Variants in IL2RB observed in about 807,000 individuals in gnomAD.
The protein encoded by IL2RB is interleukin 2 receptor subunit beta.
Under a neutral mutation model 44.2 loss-of-function variants are expected in IL2RB, and 17 were observed. That is an observed-to-expected ratio of 0.38 (90% CI 0.26 to 0.58). The LOEUF is 0.58. IL2RB is among the 20% of genes least tolerant of loss of function. IL2RB has a pLI of 0.63. For synonymous variants in IL2RB, 286 were observed against 297.9 expected (o/e 0.96, Z 0.41); for missense variants, 624 against 685.5 (o/e 0.91, Z 1.00).
chr22:37,133,851 G>A (rs571542191), intron 8 of IL2RB, among the ~76,000 whole-genome samples: 12 of 152,222 alleles, frequency 7.9e-5, no homozygotes, highest in African/African-American at 2.6e-4. Context: ...CCACACCAGC[G>A]CCCCTGCACT....
At position 37,136,352 on chromosome 22, in the gene IL2RB, G is replaced by C. The variant is rs1446017221; in HGVS notation, c.579C>G (p.Ile193Met). 1 of 1,612,690 alleles carries C rather than the reference G, an allele frequency of 6.2e-7. No individual in the cohort carries two copies. Among genetic ancestry groups the C allele is most frequent in the Admixed American group, 1.7e-5 (1 of 59,866 alleles). ...TGTCTGGGGTGAGCGTCTCCAGGCA[G>C]ATCCATTCCTGCTTCTGCTTGAGAG... ...LLTLKQKQEW[I>M]CLETLTPDTQ... The change falls in exon 7 of 10, where the codon ATC (isoleucine) becomes ATG (methionine). Residue 193 changes from isoleucine (I) to methionine (M), a missense_variant. Around this residue, in one of 3 missense-constraint regions of IL2RB, gnomAD observed 255 missense variants for 339.9 expected, o/e 0.75. Transcript: ENST00000216223.
At chr22:37,152,710 G>A (rs112450915), upstream of IL2RB, among the ~76,000 whole-genome samples, 2,600 of 151,942 alleles carry the variant, frequency 0.017, 40 homozygotes, top group Non-Finnish European at 0.023. Context: ...CTTTTTTGGC[G>A]GGGGAGAAGG....
rs371340355 is a variant in IL2RB, at chr22:37,143,530, G to A, written c.194C>T (p.Pro65Leu). The change falls in exon 3 of 10, where the codon CCG becomes CTG. Residue 65 changes from proline (P) to leucine (L), a missense_variant. This residue lies in a region of IL2RB where 255 missense variants were observed against 339.9 expected (regional missense o/e 0.75). Coordinates refer to ENST00000216223, the MANE Select transcript of IL2RB (RefSeq NM_000878.5). ...TGGCCAGTGGACTCACCGTCTGTCC[G>A]GCCAGGCATGGACTTGGCAGGAAGT... ...QDTSCQVHAW[P>L]DRRRWNQTCE... 5.6e-6 allele frequency: 9 copies of A among 1,609,636 alleles called. No homozygotes were observed. Among genetic ancestry groups the A allele is most frequent in the African/African-American group, 1.3e-5 (1 of 74,796 alleles).
intron 1 of IL2RB, among the ~76,000 whole-genome samples, chr22:37,148,860 G>A (rs1569049042): frequency 6.6e-6 from 1 of 152,230 alleles, no homozygotes; most frequent in Non-Finnish European, 1.5e-5. Flanking sequence ...CTGGGGCAGG[G>A]TGGTAAAGCA....
At chr22:37,131,869 TG>T (rs1921448225) in intron 9 of IL2RB, among the ~76,000 whole-genome samples, 1 of 152,066 alleles carries the variant, frequency 6.6e-6, no homozygotes, top group African/African-American at 2.4e-5. Context: ...CCTGAGTAGC[TG>T]GGATTACAGG....
chr22:37,135,343 C>T lies in IL2RB; in HGVS notation c.803G>A (p.Arg268Lys). The change falls in exon 8 of 10, where the codon AGG (arginine) becomes AAG (lysine). Residue 268 changes from arginine (R) to lysine (K), a missense_variant. Arg to Lys is a conservative substitution (Grantham distance 26). Coordinates refer to ENST00000216223, the MANE Select transcript of IL2RB (RefSeq NM_000878.5). The part of the protein sequence containing the change: ...IILVYLLINC[R>K]NTGPWLKKVL... The stretch of plus-strand genomic sequence containing the variant: ...ACCTTCTTACCATGGCCCGGTGTTC[C>T]TGCAGTTGATCAGCAAGTACACTAA... 6.2e-7 allele frequency: 1 copy of T among 1,613,434 alleles called. No individual in the cohort carries two copies. Among genetic ancestry groups the T allele is most frequent in the African/African-American group, 1.3e-5 (1 of 74,998 alleles).
At chr22:37,150,326 G>A (rs138749794), upstream of IL2RB, among the ~76,000 whole-genome samples, 5 of 152,118 alleles carry the variant, frequency 3.3e-5, no homozygotes, top group South Asian at 2.1e-4. Context: ...TGACCCCAGC[G>A]TCTCACCCTC....
chr22:37,162,822 C>G (rs922549577), intron 1 of IL2RB, among the ~76,000 whole-genome samples: 2 of 152,114 alleles, frequency 1.3e-5, no homozygotes, highest in Non-Finnish European at 2.9e-5. Context: ...TCTGATTGAC[C>G]GCATCCTACC....
chr22:37,160,323 C>A (rs891777749), intron 1 of IL2RB, among the ~76,000 whole-genome samples: 1 of 152,192 alleles, frequency 6.6e-6, no homozygotes, highest in Admixed American at 6.5e-5. Context: ...TCCAGGCAGG[C>A]CCAGTGGGTA....
At chr22:37,150,456 C>T (rs1436963677), upstream of IL2RB, among the ~76,000 whole-genome samples, 4 of 152,064 alleles carry the variant, frequency 2.6e-5, no homozygotes, top group African/African-American at 9.7e-5. Flanking sequence ...ATTTTGTGGG[C>T]ATGTGGTAGG....
intron 1 of IL2RB, among the ~76,000 whole-genome samples, chr22:37,146,162 T>G (rs535931225): frequency 6.6e-6 from 1 of 152,160 alleles, no homozygotes; most frequent in Admixed American, 6.5e-5. Context: ...GACACTCCAG[T>G]GACTACTTGT....
Position 37,148,593 on chromosome 22 carries a change from G to A in IL2RB, c.-34+1232C>T, listed in dbSNP as rs898384418. ...GCTGACCCCAGCCATCTGATTTTCAGAGAGATGCTGCTGGGGACAGGGACT... is the reference window on the plus strand; with the variant it reads ...GCTGACCCCAGCCATCTGATTTTCAAAGAGATGCTGCTGGGGACAGGGACT... On this transcript the variant is annotated intron_variant, in intron 1 of 9. Transcript: ENST00000216223. Among the ~76,000 whole-genome samples the A allele has an allele frequency of 3.9e-5, 6 of 152,276 alleles. No homozygotes were observed. In the South Asian group the frequency reaches 1.0e-3, roughly 26 times the overall value.
Position 37,137,577 on chromosome 22 carries a change from A to G in IL2RB, c.537+10T>C, listed in dbSNP as rs758517823. 8 of 1,614,030 alleles carry G rather than the reference A, an allele frequency of 5.0e-6. No individual in the cohort carries two copies. The South Asian group carries it at 8.8e-5, about 18-fold the overall frequency. ...AACCAAGGCAGGTACGGACTGGGCC[A>G]CATTCTCACCTCCCAGGTGTGGCCT... On this transcript the variant is annotated intron_variant, in intron 6 of 9. Coordinates refer to ENST00000216223, the MANE Select transcript of IL2RB (RefSeq NM_000878.5).
At chr22:37,165,319 G>A (rs1045882408) in intron 1 of IL2RB, among the ~76,000 whole-genome samples, 2 of 152,222 alleles carry the variant, frequency 1.3e-5, no homozygotes, top group Non-Finnish European at 2.9e-5. Flanking sequence ...CTGGCCGTGT[G>A]CCTCTGGCCT....
chr22:37,159,974 T>C (rs1284655995), intron 1 of IL2RB, among the ~76,000 whole-genome samples: 1 of 152,264 alleles, frequency 6.6e-6, no homozygotes, highest in African/African-American at 2.4e-5. Flanking sequence ...TCTCTTGATA[T>C]CATTTCTGCG....
Position 37,147,511 on chromosome 22 carries a change from C to T in IL2RB, c.-34+2314G>A, listed in dbSNP as rs562012988. On this transcript the variant is annotated intron_variant, in intron 1 of 9. Coordinates refer to ENST00000216223, the MANE Select transcript of IL2RB (RefSeq NM_000878.5). ...GCCAAGTGCCTCACATATGCCAGCT[C>T]GTCTAAGCTGCCCAATGGCTTTATT... Among the ~76,000 whole-genome samples the T allele has an allele frequency of 9.8e-5, 15 of 152,354 alleles. 1 individual carries two copies. Among genetic ancestry groups the T allele is most frequent in the Admixed American group, 7.2e-4 (11 of 15,306 alleles).
At chr22:37,146,819 A>C (rs1321746939) in intron 1 of IL2RB, among the ~76,000 whole-genome samples, 1 of 152,114 alleles carries the variant, frequency 6.6e-6, no homozygotes, top group Non-Finnish European at 1.5e-5. Flanking sequence ...GTACGGCAAA[A>C]AAAAAAAAGC....
At chr22:37,162,217 C>T (rs1392363297) in intron 1 of IL2RB, among the ~76,000 whole-genome samples, 1 of 152,132 alleles carries the variant, frequency 6.6e-6, no homozygotes, top group Non-Finnish European at 1.5e-5. Flanking sequence ...GAAGAGTGCC[C>T]GCCCCCACGG....
chr22:37,150,429 GT>G (rs918669345), upstream of IL2RB, among the ~76,000 whole-genome samples: 4 of 151,896 alleles, frequency 2.6e-5, no homozygotes, highest in Admixed American at 2.0e-4. Flanking sequence ...AGAGATGACT[GT>G]TTTTTTTAGT....
Sources: gnomAD v4.1 joint callset for allele counts (sites outside exome capture counted in the v4.1 genomes callset) on GRCh38, gnomAD v4.1.1 for gene constraint, gnomAD v4.1.1 regional missense constraint, MANE v1.5 for transcripts, NCBI Gene and HGNC (gene_info 2026-07-23, HGNC 2026-07-21) for gene names.